MRC1: variants seen among roughly 807,000 people sequenced by gnomAD.
The protein encoded by MRC1 is macrophage mannose receptor 1.
In MRC1, 62 loss-of-function variants were observed where a neutral mutation model predicts 102.9. The ratio of observed to expected loss-of-function variants is 0.60; its 90% CI spans 0.49 to 0.74. The LOEUF is 0.74. Ranked by LOEUF, MRC1 falls within the 30% of genes least tolerant of loss-of-function variation. The pLI is 0.00. For missense variants in MRC1, 1,237 were observed against 862.8 expected, an observed-to-expected ratio of 1.43 and a Z score of -5.43; for synonymous variants, 457 against 298.4, an observed-to-expected ratio of 1.53 and a Z score of -5.48.
chr10:17,873,545 G>A (rs2130680057), intron 15 of MRC1, among the ~76,000 whole-genome samples: 1 of 151,794 alleles, frequency 6.6e-6, no homozygotes, highest in South Asian at 2.1e-4. Flanking sequence ...AACTGTGGTG[G>A]TTGTAATTTC....
chr10:17,845,370 T>C lies in MRC1; in HGVS notation c.998T>C (p.Val333Ala). The change falls in exon 6 of 30, where the codon GTT becomes GCT. Residue 333 changes from valine (V) to alanine (A), a missense_variant. Transcript: ENST00000569591. ...GCTAAATGGGAAAATCTGGAATGTG[T>C]TCAGAAACTGGGCTATATTTGCAAA... is the stretch of plus-strand genomic sequence containing the variant. Reference protein sequence around the residue: ...KNAKWENLECVQKLGYICKKG... With the variant: ...KNAKWENLECAQKLGYICKKG... The C allele has an allele frequency of 6.4e-6, 5 of 780,852 alleles. No homozygotes were observed. Among genetic ancestry groups the C allele is most frequent in the Non-Finnish European group, 1.2e-5 (5 of 417,956 alleles). 48.4% of individuals were successfully genotyped at this position (780,852 alleles called of 1,614,324 possible). A position where few individuals can be genotyped will look rare whatever the true frequency, so the allele number is the denominator to read the frequency against.
chr10:17,812,374 T>C (rs1174532771), intron 1 of MRC1, among the ~76,000 whole-genome samples: 1 of 152,128 alleles, frequency 6.6e-6, no homozygotes, highest in Non-Finnish European at 1.5e-5. Context: ...ATGGGAGGGT[T>C]TGGCTCACAG....
chr10:17,857,528 TAGC>T (rs1462885650), intron 9 of MRC1, among the ~76,000 whole-genome samples: 2 of 152,228 alleles, frequency 1.3e-5, no homozygotes, highest in African/African-American at 4.8e-5. Context: ...AATAAAATAA[TAGC>T]AGTCCCTTAT....
chr10:17,863,410 T>A (rs1322692143), intron 10 of MRC1, 124 bp from the exon 11 acceptor site: 1 of 714,648 alleles, frequency 1.4e-6, no homozygotes, highest in African/African-American at 1.8e-5. Context: ...TAACACAATA[T>A]ATTTGAATTA....
intron 9 of MRC1, among the ~76,000 whole-genome samples, chr10:17,858,592 A>G (rs1833133419): frequency 6.6e-6 from 1 of 152,146 alleles, no homozygotes; most frequent in Non-Finnish European, 1.5e-5. Context: ...GGCTCAAGTA[A>G]TTCTTCTGCT....
At chr10:17,815,978 C>A (rs1299574803) in intron 1 of MRC1, among the ~76,000 whole-genome samples, 3 of 152,160 alleles carry the variant, frequency 2.0e-5, no homozygotes, top group Non-Finnish European at 4.4e-5. Flanking sequence ...GCATGTGCGA[C>A]CACATAGGCT....
chr10:17,903,132 G>A (rs934704871), intron 26 of MRC1, among the ~76,000 whole-genome samples: 19 of 151,990 alleles, frequency 1.3e-4, no homozygotes, highest in East Asian at 3.9e-4. Context: ...AATCTCAAGC[G>A]TCTTTTTTAG....
intron 21 of MRC1, among the ~76,000 whole-genome samples, chr10:17,882,504 CT>C (rs1833534278): frequency 6.6e-6 from 1 of 152,078 alleles, no homozygotes; most frequent in African/African-American, 2.4e-5. Flanking sequence ...TGTAAGCTCT[CT>C]TTTGGTTCAG....
chr10:17,879,569 G>T (rs1000047075), intron 18 of MRC1, 152 bp from the exon 19 acceptor site: 1 of 754,410 alleles, frequency 1.3e-6, no homozygotes, highest in African/African-American at 1.7e-5. Context: ...CCCCATGTTG[G>T]TCAGGCTAGA....
intron 23 of MRC1, among the ~76,000 whole-genome samples, chr10:17,897,656 A>T (rs1271271365): frequency 6.6e-6 from 1 of 152,232 alleles, no homozygotes; most frequent in Non-Finnish European, 1.5e-5. Context: ...TTTAACGTAC[A>T]TGGAAAAATA....
chr10:17,842,069 T>C (rs966992219), intron 5 of MRC1, among the ~76,000 whole-genome samples: 16 of 152,290 alleles, frequency 1.1e-4, no homozygotes, highest in African/African-American at 3.8e-4. Context: ...CTCAAGTCAT[T>C]CTTGTGCCTC....
intron 12 of MRC1, among the ~76,000 whole-genome samples, chr10:17,868,490 G>T (rs955239400): frequency 0.014 from 2,137 of 152,260 alleles, 22 homozygotes; most frequent in Non-Finnish European, 0.021. Context: ...CCCTCAATGT[G>T]GGGATTACAG....
rs897718660 is a variant in MRC1 at position 17,866,821 on chromosome 10, A to G, written c.1983+60A>G. Reference sequence around the variant, plus strand: ...GGAGTATGCTTCAGCCTAAAGAATCATCTAAGGACATAGAAAACAAACAAA... The same window carrying G: ...GGAGTATGCTTCAGCCTAAAGAATCGTCTAAGGACATAGAAAACAAACAAA... On this transcript the variant is annotated intron_variant, in intron 12 of 29. Coordinates refer to ENST00000569591, the MANE Select transcript of MRC1 (RefSeq NM_002438.4). 7.3e-5 allele frequency: 57 copies of G among 779,988 alleles called. No individual in the cohort carries two copies. In the African/African-American group the frequency reaches 8.6e-4, roughly 12 times the overall value. 48.3% of individuals were successfully genotyped at this position (779,988 alleles called of 1,614,324 possible).
chr10:17,828,342 T>C (rs1838516184), intron 3 of MRC1, among the ~76,000 whole-genome samples: 1 of 151,472 alleles, frequency 6.6e-6, no homozygotes, highest in African/African-American at 2.5e-5. Context: ...CCCAAAGTGT[T>C]GGGTTTACAG....
intron 29 of MRC1, 78 bp downstream of exon 29, chr10:17,909,425 C>G (rs1245043497): frequency 1.6e-5 from 13 of 789,744 alleles, no homozygotes; most frequent in Admixed American, 3.5e-5. Flanking sequence ...TAATCATAAT[C>G]CCTTCCAACT....
chr10:17,827,096 T>C (rs1357469103), intron 2 of MRC1, among the ~76,000 whole-genome samples: 2 of 151,934 alleles, frequency 1.3e-5, no homozygotes, highest in African/African-American at 2.4e-5. Context: ...CTGGTGTCAA[T>C]AGAGGAAGGA....
chr10:17,869,820 A>T (rs1421055467), intron 12 of MRC1, among the ~76,000 whole-genome samples: 1 of 152,218 alleles, frequency 6.6e-6, no homozygotes, highest in African/African-American at 2.4e-5. Context: ...AACTGTGCAC[A>T]ATTTTAGAAA....
At chr10:17,895,598 A>G (rs1833743099) in intron 23 of MRC1, among the ~76,000 whole-genome samples, 1 of 152,074 alleles carries the variant, frequency 6.6e-6, no homozygotes. Flanking sequence ...TTCTTTTTTC[A>G]TCTTAGGAAG....
chr10:17,863,004 T>G (rs1381013041), intron 10 of MRC1: 1 of 155,014 alleles, frequency 6.5e-6, no homozygotes, highest in Non-Finnish European at 1.4e-5. Flanking sequence ...AGATTGAGTC[T>G]CTGCTTCTCT....
Sources: allele counts gnomAD v4.1 joint callset (sites outside exome capture counted in the v4.1 genomes callset), GRCh38; gene constraint gnomAD v4.1.1; transcripts MANE v1.5; gene names NCBI Gene and HGNC (gene_info 2026-07-23, HGNC 2026-07-21).